Variants in BABAM2 observed in about 807,000 individuals in gnomAD.
BABAM2 encodes BRISC and BRCA1-A complex member 2.
A neutral mutation model predicts 54.7 loss-of-function variants in BABAM2; 31 were observed. The ratio of observed to expected loss-of-function variants is 0.57; its 90% confidence interval spans 0.43 to 0.77. The LOEUF (loss-of-function observed/expected upper bound fraction) is 0.77. Among genes scored for constraint, BABAM2 ranks in the 30% least tolerant of loss-of-function variants. BABAM2 has a pLI of 0.00. For synonymous variants in BABAM2, 167 were observed against 162.9 expected, an observed-to-expected ratio of 1.03 and a Z score of -0.19; for missense variants, 364 against 455.8, an observed-to-expected ratio of 0.80 and a Z score of 1.83.
chr2:27,961,143 A>G (rs546927188), intron 3 of BABAM2, among the ~76,000 whole-genome samples: 1 of 152,122 alleles, frequency 6.6e-6, no homozygotes, highest in Non-Finnish European at 1.5e-5. Flanking sequence ...ATTGGTGAAG[A>G]CAGGGTGAGA....
chr2:27,908,020 T>C (rs1666308302), intron 2 of BABAM2, among the ~76,000 whole-genome samples: 1 of 152,240 alleles, frequency 6.6e-6, no homozygotes, highest in Non-Finnish European at 1.5e-5. Flanking sequence ...TTTCAGTTTT[T>C]TGCGTATATA....
rs560413221 is a variant in BABAM2, at chr2:28,331,955, G to A, written c.1089-6495G>A. Among the ~76,000 whole-genome samples the A allele has an allele frequency of 6.6e-4, 100 of 152,320 alleles. 1 individual carries two copies. Among genetic ancestry groups the A allele is most frequent in the African/African-American group, 2.4e-3 (98 of 41,572 alleles). ...ATAGACTGGATAAAGAAAATGTGGT[G>A]CATATACACCATGGAATACTATGCA... On this transcript the variant is annotated intron_variant, in intron 11 of 11. Transcript: ENST00000379624.
intron 11 of BABAM2, chr2:28,307,592 CTGTATAAACAGTGTAATTATCTG>C (rs1252794280): frequency 6.6e-6 from 1 of 152,024 alleles, no homozygotes; most frequent in African/African-American, 2.4e-5. Context: ...ATAATGCTTC[CTGTATAAACAGTGTAATTATCTG>C]TGTACCTTCT....
rs116267958 is a variant in BABAM2, at chr2:28,148,412, A to G, written c.680+19032A>G. 3.3e-3 allele frequency among the ~76,000 whole-genome samples: 498 copies of G among 152,320 alleles called. 7 individuals carry two copies. Among genetic ancestry groups the G allele is most frequent in the African/African-American group, 0.012 (489 of 41,556 alleles). Reference sequence around the variant, plus strand: ...GTAGGTTGGTTATTTGGACTCTGGAACGTGTTTTGCCATGGAAACCATTTA... The same window carrying G: ...GTAGGTTGGTTATTTGGACTCTGGAGCGTGTTTTGCCATGGAAACCATTTA... On this transcript the variant is annotated intron_variant, in intron 7 of 11. Coordinates refer to ENST00000379624, the MANE Select transcript of BABAM2 (RefSeq NM_199191.3).
chr2:28,264,945 A>G (rs994998303), intron 10 of BABAM2, among the ~76,000 whole-genome samples: 2 of 152,230 alleles, frequency 1.3e-5, no homozygotes, highest in African/African-American at 4.8e-5. Context: ...GATTGTTTTA[A>G]CAACTAGAAA....
intron 11 of BABAM2, 135 bp downstream of exon 11, chr2:28,298,626 C>G (rs1306772860): frequency 9.4e-7 from 1 of 1,068,030 alleles, no homozygotes. Context: ...AGAAACACAG[C>G]AACACCCATT....
upstream of BABAM2, chr2:27,890,338 G>A: frequency 6.2e-7 from 1 of 1,613,280 alleles, no homozygotes; most frequent in Non-Finnish European, 8.5e-7. The surrounding 1 kb of genome is among the most constrained non-coding windows in gnomAD (Gnocchi z 4.8). Context: ...TTCCCCAGAC[G>A]CCGCCATCGC....
chr2:28,243,535 A>G (rs1426740216), intron 9 of BABAM2, among the ~76,000 whole-genome samples: 1 of 151,368 alleles, frequency 6.6e-6, no homozygotes, highest in Non-Finnish European at 1.5e-5. Flanking sequence ...CCATCTCAAA[A>G]AAATTTAAAA....
At chr2:28,069,173 C>T (rs770992025) in intron 6 of BABAM2, among the ~76,000 whole-genome samples, 2 of 152,090 alleles carry the variant, frequency 1.3e-5, no homozygotes, top group African/African-American at 2.4e-5. Flanking sequence ...TCTTACATCC[C>T]CTTCTTTAGT....
chr2:28,022,284 C>T (rs1675328019), intron 4 of BABAM2, among the ~76,000 whole-genome samples: 1 of 152,196 alleles, frequency 6.6e-6, no homozygotes, highest in Non-Finnish European at 1.5e-5. Flanking sequence ...GAGGCAAGTG[C>T]CAGTTCGTTG....
At chr2:27,973,702 A>T (rs1671390301) in intron 3 of BABAM2, among the ~76,000 whole-genome samples, 1 of 152,180 alleles carries the variant, frequency 6.6e-6, no homozygotes, top group South Asian at 2.1e-4. Flanking sequence ...TCTGTGTGTG[A>T]AGTCTCAGGC....
At chr2:28,190,209 A>G (rs1422569785) in intron 7 of BABAM2, among the ~76,000 whole-genome samples, 2 of 152,248 alleles carry the variant, frequency 1.3e-5, no homozygotes, top group African/African-American at 4.8e-5. Context: ...CATTCAGGCT[A>G]TTATAACAAA....
Position 28,112,714 on chromosome 2 carries a change from TATATACCCAGTAATGGGA to T in BABAM2, c.571-16556_571-16539del, listed in dbSNP as rs557309883. ...GTAAAATGATTTATAATCCTTTGGG[TATATACCCAGTAATGGGA>T]TTGCTGGGTCAAATGGTATTTCTAG... On this transcript the variant is annotated intron_variant, in intron 6 of 11. Coordinates refer to ENST00000379624, the MANE Select transcript of BABAM2 (RefSeq NM_199191.3). Among the ~76,000 whole-genome samples the T allele has an allele frequency of 8.6e-4, 131 of 152,334 alleles. 1 individual carries two copies. Among genetic ancestry groups the T allele is most frequent in the Admixed American group, 3.3e-3 (51 of 15,304 alleles).
At chr2:28,216,633 A>G (rs1679941842) in intron 7 of BABAM2, among the ~76,000 whole-genome samples, 1 of 152,172 alleles carries the variant, frequency 6.6e-6, no homozygotes, top group African/African-American at 2.4e-5. Flanking sequence ...TGTTGGCTCC[A>G]TTTCCCTCCT....
chr2:28,165,077 G>T (rs1372488436), intron 7 of BABAM2, among the ~76,000 whole-genome samples: 1 of 152,152 alleles, frequency 6.6e-6, no homozygotes, highest in African/African-American at 2.4e-5. Context: ...TACGGTTCTG[G>T]GTGCAGAGGA....
chr2:28,172,871 C>G (rs1005958272), intron 7 of BABAM2, among the ~76,000 whole-genome samples: 4 of 152,160 alleles, frequency 2.6e-5, no homozygotes, highest in Non-Finnish European at 5.9e-5. Flanking sequence ...GACTGAGTGA[C>G]TTAAACAATA....
intron 4 of BABAM2, among the ~76,000 whole-genome samples, chr2:28,024,592 C>T (rs999173508): frequency 1.3e-5 from 2 of 152,164 alleles, no homozygotes; most frequent in African/African-American, 4.8e-5. Context: ...GCTGAACTAG[C>T]TGCTTTTTTC....
intron 6 of BABAM2, among the ~76,000 whole-genome samples, chr2:28,123,834 A>G (rs141028869): frequency 4.6e-4 from 70 of 152,324 alleles, no homozygotes; most frequent in Middle Eastern, 3.4e-3. Flanking sequence ...ATTCAGACTC[A>G]TGTTTTATGT....
At chr2:28,036,412 C>T (rs1475000778) in intron 5 of BABAM2, among the ~76,000 whole-genome samples, 1 of 152,104 alleles carries the variant, frequency 6.6e-6, no homozygotes. Flanking sequence ...AACTTATTTA[C>T]TTCAAAGAAC....
Sources: gnomAD v4.1 joint callset for allele counts (sites outside exome capture counted in the v4.1 genomes callset) on GRCh38, gnomAD v4.1.1 for gene constraint, Gnocchi (gnomAD v3.1) non-coding constraint, MANE v1.5 for transcripts, NCBI Gene and HGNC (gene_info 2026-07-23, HGNC 2026-07-21) for gene names.